The following PCDH7 variants were observed in gnomAD, a reference collection of about 807,000 sequenced individuals.
PCDH7 encodes the protein protocadherin 7.
PCDH7 carries 17 observed loss-of-function variants against 58.9 expected under a neutral mutation model. The ratio of observed to expected loss-of-function variants is 0.29; its 90% confidence interval spans 0.20 to 0.43. The LOEUF (loss-of-function observed/expected upper bound fraction) is 0.43. Ranked by LOEUF, PCDH7 falls within the 20% of genes least tolerant of loss-of-function variation. The pLI is 1.00. For missense variants in PCDH7, 1,274 were observed against 1,441.0 expected, an observed-to-expected ratio of 0.88 and a Z score of 1.88; for synonymous variants, 664 against 616.4, an observed-to-expected ratio of 1.08 and a Z score of -1.14.
chr4:30,800,781 G>A (rs1162144030), intron 1 of PCDH7, among the ~76,000 whole-genome samples: 2 of 152,218 alleles, frequency 1.3e-5, no homozygotes, highest in Admixed American at 1.3e-4. Context: ...CATCCAGTGT[G>A]GTTAAGAGTA....
chr4:30,797,328 A>G (rs2109303373), intron 1 of PCDH7, among the ~76,000 whole-genome samples: 1 of 151,846 alleles, frequency 6.6e-6, no homozygotes, highest in Non-Finnish European at 1.5e-5. Context: ...GCTGGAGTGC[A>G]GTGGCTCCAT....
intron 3 of PCDH7, among the ~76,000 whole-genome samples, chr4:31,068,049 T>C (rs1210009294): frequency 2.6e-5 from 4 of 151,978 alleles, no homozygotes; most frequent in Non-Finnish European, 4.4e-5. Context: ...AGTCCATACA[T>C]AATTATAGAA....
chr4:31,067,374 CAAAA>C (rs10715937), intron 3 of PCDH7, among the ~76,000 whole-genome samples: 37 of 109,592 alleles, frequency 3.4e-4, no homozygotes, highest in Admixed American at 5.5e-4. Flanking sequence ...ATCACTGAGA[CAAAA>C]AAAAAAAAAA....
At chr4:30,982,582 C>T (rs565969792) in intron 3 of PCDH7, among the ~76,000 whole-genome samples, 12 of 152,288 alleles carry the variant, frequency 7.9e-5, no homozygotes, top group African/African-American at 2.9e-4. Flanking sequence ...TTTGAGAATC[C>T]TTTTTTATAT....
intron 1 of PCDH7, among the ~76,000 whole-genome samples, chr4:30,778,289 A>G (rs1044036903): frequency 3.3e-5 from 5 of 152,166 alleles, no homozygotes; most frequent in African/African-American, 1.2e-4. Context: ...TTATAATACA[A>G]AAGAGCAAAA....
intron 2 of PCDH7, among the ~76,000 whole-genome samples, chr4:30,942,855 A>G (rs779259763): frequency 2.0e-5 from 3 of 151,590 alleles, no homozygotes; most frequent in Non-Finnish European, 2.9e-5. Flanking sequence ...CAACCTACCT[A>G]AGCAATGGAA....
At chr4:30,766,648 C>CATAT (rs71963039) in intron 1 of PCDH7, among the ~76,000 whole-genome samples, 10 of 149,006 alleles carry the variant, frequency 6.7e-5, no homozygotes, top group South Asian at 4.2e-4. Flanking sequence ...AAATCTCAAA[C>CATAT]ATATATATAT....
At position 30,721,453 on chromosome 4, in the gene PCDH7, C is replaced by G; in HGVS notation, c.31C>G (p.Arg11Gly). 2 of 1,545,276 alleles carry G rather than the reference C, an allele frequency of 1.3e-6. No homozygotes were observed. The highest frequency in any genetic ancestry group is 1.4e-5 in the African/African-American group (1 of 73,890). ...GAGGATGCGGACCGCGGGATGGGCGCGCGGCTGGTGCTTGGGCTGCTGCCT... is the reference window on the plus strand; with the variant it reads ...GAGGATGCGGACCGCGGGATGGGCGGGCGGCTGGTGCTTGGGCTGCTGCCT... Residue 11 changes from arginine to glycine, a missense_variant, in exon 1 of 2, where the codon CGC (arginine) becomes GGC (glycine). Physicochemically the swap from Arg to Gly is moderately radical, Grantham distance 125. Coordinates refer to ENST00000361762, the Ensembl canonical transcript of PCDH7. This position sits in a 1 kb window ranked among gnomAD's most constrained non-coding sequence, Gnocchi z 6.7.
chr4:30,773,068 T>C (rs1721618019), intron 1 of PCDH7, among the ~76,000 whole-genome samples: 1 of 152,140 alleles, frequency 6.6e-6, no homozygotes, highest in Admixed American at 6.5e-5. Context: ...CACAACCAGC[T>C]AATTTTTGAA....
intron 3 of PCDH7, among the ~76,000 whole-genome samples, chr4:31,136,208 G>A (rs188257883): frequency 1.3e-5 from 2 of 152,226 alleles, no homozygotes; most frequent in Admixed American, 1.3e-4. Context: ...CTCTCCAGGG[G>A]CTATGACCTA....
rs1714116386 is a variant in PCDH7, at chr4:30,723,587, G to T, written c.2165G>T (p.Arg722Ile). 6.2e-7 allele frequency: 1 copy of T among 1,614,060 alleles called. No individual in the cohort carries two copies. Among genetic ancestry groups the T allele is most frequent in the Admixed American group, 1.7e-5 (1 of 60,002 alleles). The stretch of plus-strand genomic sequence containing the variant: ...GCTGTGGATGGGGGAGATCCTCCCA[G>T]ATCTGCCACAGCTACAGTCTCGCTT... The change falls in exon 1 of 2, where the codon AGA (arginine) becomes ATA (isoleucine). Residue 722 changes from arginine (R) to isoleucine (I), a missense_variant. By Grantham distance (97) the Arg-to-Ile change is moderately conservative. Around this residue, in one of 3 missense-constraint regions of PCDH7, gnomAD observed 731 missense variants for 881.9 expected, o/e 0.83. Transcript: ENST00000361762. This position sits in a 1 kb window ranked among gnomAD's most constrained non-coding sequence, Gnocchi z 4.6.
chr4:30,895,126 C>T (rs1456731301), intron 1 of PCDH7, among the ~76,000 whole-genome samples: 4 of 145,648 alleles, frequency 2.7e-5, no homozygotes, highest in Non-Finnish European at 6.0e-5. Flanking sequence ...ATGAACATGA[C>T]AATTTCAGCA....
intron 3 of PCDH7, among the ~76,000 whole-genome samples, chr4:31,036,347 G>A (rs1044467232): frequency 2.0e-5 from 3 of 151,924 alleles, no homozygotes; most frequent in Admixed American, 6.6e-5. Context: ...CACCACACCC[G>A]GCTAATTTCT....
intron 1 of PCDH7, among the ~76,000 whole-genome samples, chr4:30,908,377 T>C (rs983921918): frequency 2.0e-5 from 3 of 152,130 alleles, no homozygotes; most frequent in South Asian, 2.1e-4. Context: ...GCTAAGGTGA[T>C]ATAGATTAAT....
intron 1 of PCDH7, among the ~76,000 whole-genome samples, chr4:30,817,586 A>G (rs1727855561): frequency 6.6e-6 from 1 of 152,306 alleles, no homozygotes; most frequent in South Asian, 2.1e-4. Flanking sequence ...GTTGAAGAAC[A>G]TGCAGTTTTT....
intron 1 of PCDH7, among the ~76,000 whole-genome samples, chr4:30,843,620 A>G (rs1731522683): frequency 6.6e-6 from 1 of 152,208 alleles, no homozygotes; most frequent in Non-Finnish European, 1.5e-5. Flanking sequence ...TATTAGACAT[A>G]AAGCAAACAA....
At chr4:31,044,925 G>T (rs1218653998) in intron 3 of PCDH7, among the ~76,000 whole-genome samples, 2 of 151,984 alleles carry the variant, frequency 1.3e-5, no homozygotes, top group African/African-American at 4.8e-5. Context: ...TTTGGACCCT[G>T]ACTTCTCTGC....
chr4:30,967,842 A>G (rs1749129561), intron 3 of PCDH7, among the ~76,000 whole-genome samples: 1 of 152,094 alleles, frequency 6.6e-6, no homozygotes, highest in Non-Finnish European at 1.5e-5. Flanking sequence ...AATCATTGCC[A>G]ACTTTTGCCC....
exon 4 of PCDH7, chr4:31,142,631 G>A (rs371777882): frequency 7.3e-7 from 1 of 1,367,624 alleles, no homozygotes; most frequent in African/African-American, 1.5e-5. Flanking sequence ...TGATGAACGA[G>A]GAAGCCAGGA....
Sources: allele counts gnomAD v4.1 joint callset (sites outside exome capture counted in the v4.1 genomes callset), GRCh38; gene constraint gnomAD v4.1.1; regional missense constraint gnomAD v4.1.1; non-coding constraint Gnocchi (gnomAD v3.1); transcripts MANE v1.5; gene names NCBI Gene and HGNC (gene_info 2026-07-23, HGNC 2026-07-21).